The following AFF3 variants were observed in gnomAD, a reference collection of about 807,000 sequenced individuals.
AFF3 encodes AF4/FMR2 family member 3.
Under a neutral mutation model 129.7 loss-of-function variants are expected in AFF3, and 32 were observed. That is an observed-to-expected ratio of 0.25 (90% CI 0.19 to 0.33). The LOEUF (loss-of-function observed/expected upper bound fraction) is 0.33, where lower values mean the gene tolerates loss of function less well. Ranked by LOEUF, AFF3 falls within the 10% of genes least tolerant of loss-of-function variation. The probability of loss-of-function intolerance (pLI) is 1.00; values close to 1 mark genes in which losing one functional copy is unlikely to be tolerated. For synonymous variants in AFF3, 644 were observed against 635.4 expected (o/e 1.01, Z -0.20); for missense variants, 1,373 against 1,592.0 (o/e 0.86, Z 2.34).
intron 11 of AFF3, among the ~76,000 whole-genome samples, chr2:99,702,628 C>T (rs1251507282): frequency 6.6e-6 from 1 of 152,186 alleles, no homozygotes; most frequent in African/African-American, 2.4e-5. Flanking sequence ...TGTGAGCCAC[C>T]ATGCCTGGCC....
chr2:99,582,684 G>A, intron 17 of AFF3, 114 bp downstream of exon 17: 1 of 1,158,568 alleles, frequency 8.6e-7, no homozygotes, highest in Non-Finnish European at 1.2e-6. Flanking sequence ...GAGGCATTCA[G>A]GAATTCTCAA....
chr2:100,007,537 CA>C (rs1408727700), intron 5 of AFF3, 77 bp from the exon 6 acceptor site: 1 of 1,348,056 alleles, frequency 7.4e-7, no homozygotes, highest in African/African-American at 1.4e-5. Context: ...GTGCCCTTAT[CA>C]ATCACAGAGC....
At chr2:99,677,868 G>C (rs984538895) in intron 11 of AFF3, among the ~76,000 whole-genome samples, 3 of 152,084 alleles carry the variant, frequency 2.0e-5, no homozygotes, top group African/African-American at 4.8e-5. Flanking sequence ...ATCTAGGCTG[G>C]AGTGCAGTGG....
intron 10 of AFF3, among the ~76,000 whole-genome samples, chr2:99,741,800 C>T (rs1680742677): frequency 6.6e-6 from 1 of 152,104 alleles, no homozygotes; most frequent in African/African-American, 2.4e-5. Context: ...GTAGGCATCA[C>T]ACTACCTGAC....
chr2:100,083,351 G>A (rs1284717587), intron 4 of AFF3, among the ~76,000 whole-genome samples: 1 of 152,176 alleles, frequency 6.6e-6, no homozygotes, highest in Non-Finnish European at 1.5e-5. Context: ...CAGGCCCTGA[G>A]GTTTTCCTGG....
chr2:99,731,675 A>G (rs1023264814), intron 10 of AFF3, among the ~76,000 whole-genome samples: 1 of 152,224 alleles, frequency 6.6e-6, no homozygotes, highest in Non-Finnish European at 1.5e-5. Flanking sequence ...ATCATAAACC[A>G]ATAATGAGAA....
intron 11 of AFF3, among the ~76,000 whole-genome samples, chr2:99,693,087 A>G (rs1005800707): frequency 6.6e-6 from 1 of 152,268 alleles, no homozygotes; most frequent in Non-Finnish European, 1.5e-5. Context: ...CAGGGCAGGA[A>G]CTCAACAAAT....
Position 99,593,981 on chromosome 2 carries a change from T to A in AFF3, c.1680A>T (p.Ala560=). 6.6e-7 allele frequency: 1 copy of A among 1,511,192 alleles called. No individual in the cohort carries two copies. Among genetic ancestry groups the A allele is most frequent in the African/African-American group, 1.4e-5 (1 of 71,578 alleles). The allele number at this position is 1,511,192 out of a possible 1,614,324, so 93.6% of individuals were successfully genotyped here. A position where few individuals can be genotyped will look rare whatever the true frequency, so the allele number is the denominator to read the frequency against. ...PPAAVAVAVS[A]AAPPPAVPCA... ...AGGGCACTGCGGGTGGCGGGGCGGC[T>A]GCGCTCACCGCCACGGCCACGGCCG... Residue 560 remains alanine, a synonymous_variant, in exon 15 of 25, where the codon GCA becomes GCT. Transcript: ENST00000672756.
chr2:99,786,664 TG>T (rs1684814359), intron 8 of AFF3, among the ~76,000 whole-genome samples: 1 of 152,152 alleles, frequency 6.6e-6, no homozygotes, highest in Non-Finnish European at 1.5e-5. Flanking sequence ...TATGCCGTAG[TG>T]CTATAAAGTT....
chr2:99,555,856 T>C (rs1218753797), intron 22 of AFF3, among the ~76,000 whole-genome samples: 1 of 152,204 alleles, frequency 6.6e-6, no homozygotes, highest in Non-Finnish European at 1.5e-5. Flanking sequence ...AATGGCAAGA[T>C]GTAAATGTAA....
chr2:99,810,641 A>AGT (rs58509014), intron 8 of AFF3, among the ~76,000 whole-genome samples: 12,933 of 151,140 alleles, frequency 0.086, 1,805 homozygotes, highest in African/African-American at 0.29. Flanking sequence ...CAAGTGTGTG[A>AGT]GTGTGTGTGT....
intron 5 of AFF3, 122 bp downstream of exon 5, chr2:100,008,690 T>C (rs1359606454): frequency 2.6e-5 from 33 of 1,265,456 alleles, no homozygotes; most frequent in Non-Finnish European, 3.2e-5. Context: ...CTGTCTTCCC[T>C]GGGCTGAACA....
intron 8 of AFF3, among the ~76,000 whole-genome samples, chr2:99,831,023 A>G (rs955956694): frequency 7.2e-5 from 11 of 152,290 alleles, no homozygotes; most frequent in African/African-American, 2.6e-4. Flanking sequence ...CACTGACACT[A>G]GGACTGTGAA....
chr2:99,781,927 T>C lies in AFF3; in HGVS notation c.922-29626A>G, dbSNP rs72956157. ...AAAAATCTTATAATTCTGTTTTCTA[T>C]AAATTAAGAATTATATGAGGTGAGG... On this transcript the variant is annotated intron_variant, in intron 8 of 24. Coordinates refer to ENST00000672756, the MANE Select transcript of AFF3 (RefSeq NM_001386135.1). 5.2e-3 allele frequency among the ~76,000 whole-genome samples: 793 copies of C among 152,338 alleles called. 5 individuals carry two copies. The highest frequency in any genetic ancestry group is 0.018 in the African/African-American group (740 of 41,578).
chr2:99,965,383 G>A (rs1007622682), intron 7 of AFF3, among the ~76,000 whole-genome samples: 2 of 152,186 alleles, frequency 1.3e-5, no homozygotes, highest in African/African-American at 4.8e-5. Context: ...CTGCACCATG[G>A]AGGAAGAAAC....
chr2:99,941,226 T>A (rs1311105077), intron 7 of AFF3, among the ~76,000 whole-genome samples: 1 of 151,860 alleles, frequency 6.6e-6, no homozygotes, highest in African/African-American at 2.4e-5. Flanking sequence ...TGGCAAACAG[T>A]CAGAGAGAAA....
In AFF3 at chr2:99,995,624, G is replaced by A. The variant is rs146238541; in HGVS notation, c.873+11008C>T. Among the ~76,000 whole-genome samples, 1,385 of 152,000 alleles carry A rather than the reference G, an allele frequency of 9.1e-3. 9 individuals carry two copies. The highest frequency in any genetic ancestry group is 0.02 in the Middle Eastern group (6 of 294). On this transcript the variant is annotated intron_variant, in intron 7 of 24. Coordinates refer to ENST00000672756, the MANE Select transcript of AFF3 (RefSeq NM_001386135.1). ...CCTGACCTCATGACCCACCCACCTC[G>A]GCCTCCCAAAGTGCTGGGATTACAC...
chr2:99,678,946 C>G (rs1018537540), intron 11 of AFF3, among the ~76,000 whole-genome samples: 1 of 152,214 alleles, frequency 6.6e-6, no homozygotes, highest in Admixed American at 6.5e-5. Flanking sequence ...CAAGTAACCA[C>G]CTTCTTCTCA....
In AFF3 at chr2:100,007,192, C is replaced by G. The variant is rs1466768244; in HGVS notation, c.443G>C (p.Trp148Ser). Residue 148 changes from tryptophan (W) to serine (S), a missense_variant, in exon 6 of 25, where the codon TGG (tryptophan) becomes TCG (serine). Transcript: ENST00000672756. Reference sequence around the variant, plus strand: ...AGAGGGTGGGTGCCCAGCCTTCTGCCAGCCCATAGTGCCTCTCTTACTCTG... The same window carrying G: ...AGAGGGTGGGTGCCCAGCCTTCTGCGAGCCCATAGTGCCTCTCTTACTCTG... The part of the protein sequence containing the change: ...VQQSKRGTMG[W>S]QKAGHPPSDG... The G allele has an allele frequency of 6.2e-7, 1 of 1,614,156 alleles. No homozygotes were observed. The highest frequency in any genetic ancestry group is 2.2e-5 in the East Asian group (1 of 44,878).
Sources: allele counts gnomAD v4.1 joint callset (sites outside exome capture counted in the v4.1 genomes callset), GRCh38; gene constraint gnomAD v4.1.1; transcripts MANE v1.5; gene names NCBI Gene and HGNC (gene_info 2026-07-23, HGNC 2026-07-21).